The following ADGRV1 variants were observed in gnomAD, a reference collection of about 807,000 sequenced individuals.
ADGRV1 encodes adhesion G protein-coupled receptor V1.
ADGRV1 carries 359 observed loss-of-function variants against 596.2 expected under a neutral mutation model. That is an observed-to-expected ratio of 0.60 (90% confidence interval 0.55 to 0.66). ADGRV1 has a LOEUF of 0.66. Ranked by LOEUF, ADGRV1 falls within the 30% of genes least tolerant of loss-of-function variation. The pLI is 0.00. For synonymous variants in ADGRV1, 2,681 were observed against 2,679.2 expected (o/e 1.00, Z -0.02); for missense variants, 7,274 against 7,575.6 (o/e 0.96, Z 1.48).
chr5:91,156,928 A>G (rs1280285101), intron 89 of ADGRV1, among the ~76,000 whole-genome samples: 1 of 152,226 alleles, frequency 6.6e-6, no homozygotes, highest in Non-Finnish European at 1.5e-5. Context: ...TTTTTGAGCC[A>G]ATATGAAAAA....
rs59655890 is a variant in ADGRV1, at chr5:91,057,073, C to T, written c.18153-15374C>T. 8.3e-3 allele frequency among the ~76,000 whole-genome samples: 1,262 copies of T among 152,228 alleles called. 23 individuals are homozygous for T. Among genetic ancestry groups the T allele is most frequent in the African/African-American group, 0.029 (1,214 of 41,534 alleles). On this transcript the variant is annotated intron_variant, in intron 85 of 89. Coordinates refer to ENST00000405460, the MANE Select transcript of ADGRV1 (RefSeq NM_032119.4). ...CAATGGAAATTCCTTTTGTACCAAC[C>T]TAATATTTTCTCCTGACTCCTCTCC... is the stretch of plus-strand genomic sequence containing the variant.
At chr5:90,626,376 T>C (rs1478843403) in intron 6 of ADGRV1, 1 of 152,182 alleles carries the variant, frequency 6.6e-6, no homozygotes, top group East Asian at 1.9e-4. Flanking sequence ...TTTGGGGAGA[T>C]GATTAATTAT....
Position 91,153,444 on chromosome 5 carries a change from A to G in ADGRV1, c.18802+46A>G, listed in dbSNP as rs781441304. The G allele has an allele frequency of 1.7e-5, 23 of 1,362,570 alleles. 1 individual carries two copies. The highest frequency in any genetic ancestry group is 2.2e-5 in the Non-Finnish European group (22 of 1,004,354). The allele number at this position is 1,362,570 out of a possible 1,614,324, so 84.4% of individuals were successfully genotyped here. ...GACATTAGAAGTAGGCACTCTTGCT[A>G]TGTTACAATTTATATTTTCTTTCCA... On this transcript the variant is annotated intron_variant, in intron 89 of 89. Transcript: ENST00000405460.
chr5:90,865,325 T>G (rs1767986429), intron 83 of ADGRV1, among the ~76,000 whole-genome samples: 1 of 152,172 alleles, frequency 6.6e-6, no homozygotes, highest in Non-Finnish European at 1.5e-5. Flanking sequence ...CTTGGCTTTA[T>G]TCACCACCCA....
chr5:90,651,875 T>C (rs1768674290), intron 18 of ADGRV1, 145 bp downstream of exon 18: 1 of 542,724 alleles, frequency 1.8e-6, no homozygotes, highest in African/African-American at 1.9e-5. Flanking sequence ...AGTGGTAAAC[T>C]TTGTTTATGC....
intron 30 of ADGRV1, 97 bp from the exon 31 acceptor site, chr5:90,690,700 A>AG: frequency 8.2e-7 from 1 of 1,222,334 alleles, no homozygotes; most frequent in Non-Finnish European, 1.2e-6. Context: ...TAGATTGCTT[A>AG]GGGGGGAAGA....
At chr5:90,879,575 A>G (rs367980531) in intron 83 of ADGRV1, among the ~76,000 whole-genome samples, 4 of 152,116 alleles carry the variant, frequency 2.6e-5, no homozygotes, top group South Asian at 4.2e-4. Context: ...TAAAATTTCA[A>G]TTTTCTCCTT....
intron 50 of ADGRV1, among the ~76,000 whole-genome samples, chr5:90,730,096 G>T (rs1752358268): frequency 6.6e-6 from 1 of 152,140 alleles, no homozygotes; most frequent in African/African-American, 2.4e-5. Context: ...TTGATCTCCT[G>T]ACCTTGTGAT....
At chr5:90,755,269 C>CTT in intron 55 of ADGRV1, 84 bp downstream of exon 55, 3 of 858,740 alleles carry the variant, frequency 3.5e-6, no homozygotes. Context: ...AAGTAAAAAT[C>CTT]TTTTTTTTAA....
chr5:90,642,540 TA>T (rs1767105172), intron 11 of ADGRV1, 95 bp from the exon 12 acceptor site: 4 of 1,292,294 alleles, frequency 3.1e-6, no homozygotes, highest in Non-Finnish European at 4.3e-6. Flanking sequence ...TCCTTTTCAT[TA>T]TCTGGAAGAG....
intron 83 of ADGRV1, among the ~76,000 whole-genome samples, chr5:90,868,651 T>C (rs1454346034): frequency 6.6e-6 from 1 of 151,070 alleles, no homozygotes; most frequent in Non-Finnish European, 1.5e-5. Flanking sequence ...TGTAAGCCTT[T>C]TTTTTTTTTT....
rs571483729 is a variant in ADGRV1, at chr5:90,577,538, A to G, written c.22+18621A>G. On this transcript the variant is annotated intron_variant, in intron 1 of 89. Coordinates refer to ENST00000405460, the MANE Select transcript of ADGRV1 (RefSeq NM_032119.4). ...ACTGTAGCCTTGTAGTATAGTTTGA[A>G]GTCAGGTAGTGTGTTGCCTCCAGCT... is the stretch of plus-strand genomic sequence containing the variant. Among the ~76,000 whole-genome samples the G allele has an allele frequency of 2.0e-5, 3 of 152,302 alleles. No homozygotes were observed. In the East Asian group the frequency reaches 5.8e-4, roughly 29 times the overall value.
At chr5:90,733,564 C>G (rs889726804) in intron 50 of ADGRV1, among the ~76,000 whole-genome samples, 76 of 152,278 alleles carry the variant, frequency 5.0e-4, no homozygotes, top group African/African-American at 1.7e-3. Flanking sequence ...CTTTCTTTAT[C>G]AAGCATTTAA....
intron 83 of ADGRV1, among the ~76,000 whole-genome samples, chr5:90,906,921 A>G (rs1004510414): frequency 1.3e-5 from 2 of 152,188 alleles, no homozygotes; most frequent in Admixed American, 6.5e-5. Flanking sequence ...AATAATATAC[A>G]TAATTAATAT....
At chr5:90,863,637 T>C in intron 82 of ADGRV1, 120 bp from the exon 83 acceptor site, 2 of 743,880 alleles carry the variant, frequency 2.7e-6, no homozygotes, top group Non-Finnish European at 5.0e-6. Flanking sequence ...TTTCCAGAGG[T>C]ACTGGGCAGA....
chr5:91,131,393 G>T (rs1205509992), intron 87 of ADGRV1, among the ~76,000 whole-genome samples: 1 of 145,572 alleles, frequency 6.9e-6, no homozygotes, highest in South Asian at 2.2e-4. Context: ...TTGACTGCTT[G>T]TATGTCTTCT....
intron 57 of ADGRV1, among the ~76,000 whole-genome samples, chr5:90,758,327 C>A (rs1756068250): frequency 6.6e-6 from 1 of 151,836 alleles, no homozygotes; most frequent in African/African-American, 2.4e-5. Context: ...AGCGAGACTC[C>A]ATCTCAAAAA....
intron 75 of ADGRV1, among the ~76,000 whole-genome samples, chr5:90,817,626 A>T (rs1763031006): frequency 6.6e-6 from 1 of 152,008 alleles, no homozygotes; most frequent in African/African-American, 2.4e-5. Context: ...TCAGCTTTCT[A>T]CATATGGCTA....
intron 83 of ADGRV1, among the ~76,000 whole-genome samples, chr5:90,940,495 T>A (rs1561974559): frequency 6.6e-6 from 1 of 152,244 alleles, no homozygotes; most frequent in Non-Finnish European, 1.5e-5. Flanking sequence ...TTCAGTACAA[T>A]GCTCTGTTTA....
Sources: allele counts gnomAD v4.1 joint callset (sites outside exome capture counted in the v4.1 genomes callset), GRCh38; gene constraint gnomAD v4.1.1; transcripts MANE v1.5; gene names NCBI Gene and HGNC (gene_info 2026-07-23, HGNC 2026-07-21).